AMZ2: variants seen among roughly 807,000 people sequenced by gnomAD.
AMZ2 encodes archaemetzincin-2.
A neutral mutation model predicts 36.7 loss-of-function variants in AMZ2; 26 were observed. The observed-to-expected ratio is 0.71, with a 90% CI of 0.52 to 0.98. AMZ2 has a LOEUF of 0.98. Among genes scored for constraint, AMZ2 ranks in the 50% least tolerant of loss-of-function variants. The pLI is 0.00. For synonymous variants in AMZ2, 144 were observed against 149.1 expected, an observed-to-expected ratio of 0.97 and a Z score of 0.25; for missense variants, 394 against 430.5, an observed-to-expected ratio of 0.92 and a Z score of 0.75.
chr17:68,217,342 ATTTAAG>A (rs1207324242), intron 1 of AMZ2, among the ~76,000 whole-genome samples: 1 of 152,226 alleles, frequency 6.6e-6, no homozygotes, highest in Non-Finnish European at 1.5e-5. Flanking sequence ...AAAACTGTTC[ATTTAAG>A]TTTATTTGCT....
At chr17:68,237,007 C>T (rs529850421) in intron 1 of AMZ2, among the ~76,000 whole-genome samples, 3 of 152,234 alleles carry the variant, frequency 2.0e-5, no homozygotes, top group Non-Finnish European at 2.9e-5. Context: ...CATGATAATA[C>T]GCATAGCATG....
In AMZ2 at chr17:68,209,596, GTGTGTGTGTATATGTATATA is replaced by G. The variant is rs1568337268; in HGVS notation, c.-67+3360_-67+3379del. ...AATAATTGTGGGTGTGTGTGTGTGTGTGTGTGTGTATATGTATATATATATATATATATATATTTTTTTTT... is the reference window on the plus strand; with the variant it reads ...AATAATTGTGGGTGTGTGTGTGTGTGTATATATATATATATATTTTTTTTT... On this transcript the variant is annotated intron_variant, in intron 1 of 7. Transcript: ENST00000674770. 7.3e-5 allele frequency among the ~76,000 whole-genome samples: 8 copies of G among 108,996 alleles called. No homozygotes were observed. The South Asian group carries it at 1.6e-3, about 21-fold the overall frequency. The allele number at this position is 108,996 out of a possible 152,430, so 71.5% of individuals were successfully genotyped here.
chr17:68,233,136 G>A (rs1173866786), intron 1 of AMZ2, among the ~76,000 whole-genome samples: 1 of 152,230 alleles, frequency 6.6e-6, no homozygotes, highest in Non-Finnish European at 1.5e-5. Context: ...GGGACAAAGA[G>A]GATGCACCAA....
intron 1 of AMZ2, among the ~76,000 whole-genome samples, chr17:68,211,569 A>G (rs1392575550): frequency 2.6e-5 from 4 of 151,192 alleles, no homozygotes; most frequent in Admixed American, 1.3e-4. Flanking sequence ...CCTTGTGAAT[A>G]CTATACTAAA....
At chr17:68,210,355 C>T (rs782723924) in intron 1 of AMZ2, among the ~76,000 whole-genome samples, 41 of 152,180 alleles carry the variant, frequency 2.7e-4, no homozygotes, top group Non-Finnish European at 4.9e-4. Context: ...CATTATTCAG[C>T]CTTGGAAGGA....
chr17:68,254,470 TGAA>T lies in AMZ2; in HGVS notation c.658_660del (p.Lys220del). ...TATAGCATGCACTATAAAGGCAAAG[TGAA>T]GAAGCTCAAGAAAACATCTTCAAGT... On this transcript the variant is annotated inframe_deletion, in exon 5 of 7. Transcript: ENST00000359904. The T allele has an allele frequency of 6.2e-7, 1 of 1,613,778 alleles. No homozygotes were observed. The highest frequency in any genetic ancestry group is 8.5e-7 in the Non-Finnish European group (1 of 1,179,964).
At chr17:68,229,578 C>T (rs2073609185) in intron 1 of AMZ2, among the ~76,000 whole-genome samples, 1 of 152,198 alleles carries the variant, frequency 6.6e-6, no homozygotes. Flanking sequence ...TTAAAAACAA[C>T]CAAAATGCTA....
chr17:68,207,467 T>TA (rs1469664952), intron 1 of AMZ2: 2 of 152,040 alleles, frequency 1.3e-5, no homozygotes, highest in Admixed American at 6.6e-5. Context: ...TTAAAAGCAT[T>TA]AAAAAAATAA....
chr17:68,221,429 C>T (rs1293833692), intron 1 of AMZ2, among the ~76,000 whole-genome samples: 4 of 151,916 alleles, frequency 2.6e-5, no homozygotes, highest in East Asian at 1.9e-4. Flanking sequence ...TGGAACATTG[C>T]GTCAGTAAGA....
chr17:68,247,041 T>TA (rs112043600), upstream of AMZ2: 315 of 137,384 alleles, frequency 2.3e-3, no homozygotes, highest in East Asian at 6.7e-3. Context: ...AAACCCGTAT[T>TA]AAAAAAAAAA....
At chr17:68,228,014 G>A (rs1451585794) in intron 1 of AMZ2, among the ~76,000 whole-genome samples, 1 of 152,116 alleles carries the variant, frequency 6.6e-6, no homozygotes, top group East Asian at 1.9e-4. Context: ...GTCACACCCA[G>A]CTGCGGGGGA....
chr17:68,225,298 G>A (rs1395677647), intron 1 of AMZ2, among the ~76,000 whole-genome samples: 1 of 152,308 alleles, frequency 6.6e-6, no homozygotes, highest in East Asian at 1.9e-4. Flanking sequence ...TGAGAGAGCA[G>A]TCGTGTTGAT....
intron 1 of AMZ2, among the ~76,000 whole-genome samples, chr17:68,224,141 C>T (rs1229969883): frequency 6.6e-6 from 1 of 152,104 alleles, no homozygotes; most frequent in South Asian, 2.1e-4. Context: ...CGGGGTTTTG[C>T]CATGTTGGCC....
chr17:68,237,759 CCAAT>C (rs1383225057), intron 1 of AMZ2, among the ~76,000 whole-genome samples: 1 of 152,218 alleles, frequency 6.6e-6, no homozygotes, highest in Non-Finnish European at 1.5e-5. Flanking sequence ...CTGGCTCAGT[CCAAT>C]CAGACACCTG....
At chr17:68,244,046 C>G (rs2073954974), upstream of AMZ2, among the ~76,000 whole-genome samples, 1 of 152,158 alleles carries the variant, frequency 6.6e-6, no homozygotes, top group Admixed American at 6.5e-5. Flanking sequence ...AGTACATATT[C>G]TAGTACAGAG....
rs782092486 is a variant in AMZ2, at chr17:68,250,987, A to G, written c.457+20A>G. 10 of 1,611,660 alleles carry G rather than the reference A, an allele frequency of 6.2e-6. No individual in the cohort carries two copies. In the South Asian group the frequency reaches 1.1e-4, roughly 18 times the overall value. ...ATGCAGGTGAATTACACGACTTTGC[A>G]ATTCGAACTGAGTATATGTATATAA... On this transcript the variant is annotated intron_variant, in intron 3 of 6. Transcript: ENST00000359904.
At chr17:68,209,598 G>GTATATATA (rs1380292693) in intron 1 of AMZ2, among the ~76,000 whole-genome samples, 1 of 115,836 alleles carries the variant, frequency 8.6e-6, no homozygotes, top group African/African-American at 3.5e-5. Flanking sequence ...GTGTGTGTGT[G>GTATATATA]TGTGTGTATA....
chr17:68,213,543 G>C (rs2073119296), intron 1 of AMZ2, among the ~76,000 whole-genome samples: 1 of 152,176 alleles, frequency 6.6e-6, no homozygotes, highest in Admixed American at 6.5e-5. Flanking sequence ...ACTGATTCTT[G>C]ATTCTTTGTG....
chr17:68,239,663 G>A (rs2073861672), intron 1 of AMZ2, among the ~76,000 whole-genome samples: 1 of 152,124 alleles, frequency 6.6e-6, no homozygotes, highest in African/African-American at 2.4e-5. Context: ...GTTAGGAAAC[G>A]ATCCTACTCT....
Sources: allele counts gnomAD v4.1 joint callset (sites outside exome capture counted in the v4.1 genomes callset), GRCh38; gene constraint gnomAD v4.1.1; transcripts MANE v1.5; gene names NCBI Gene and HGNC (gene_info 2026-07-23, HGNC 2026-07-21).